The following LINGO2 variants were observed in gnomAD, a reference collection of about 807,000 sequenced individuals.
LINGO2 encodes leucine-rich repeat and immunoglobulin-like domain-containing nogo receptor-interacting protein 2.
A neutral mutation model predicts 30.6 loss-of-function variants in LINGO2; 14 were observed. The observed-to-expected ratio is 0.46, with a 90% CI of 0.30 to 0.72. LINGO2 has a LOEUF of 0.72. Among genes scored for constraint, LINGO2 ranks in the 30% least tolerant of loss-of-function variants. The pLI is 0.07. For synonymous variants in LINGO2, 317 were observed against 288.5 expected, an observed-to-expected ratio of 1.10 and a Z score of -1.00; for missense variants, 729 against 751.7, an observed-to-expected ratio of 0.97 and a Z score of 0.35.
the LINGO2 span, among the ~76,000 whole-genome samples, chr9:29,154,507 A>G: frequency 6.6e-6 from 1 of 151,878 alleles, no homozygotes; most frequent in South Asian, 2.1e-4. Context: ...AGGAATCTGT[A>G]AGAGCAACAG....
At chr9:28,414,357 A>C (rs1370191786) in intron 2 of LINGO2, among the ~76,000 whole-genome samples, 2 of 152,086 alleles carry the variant, frequency 1.3e-5, no homozygotes, top group African/African-American at 4.8e-5. Flanking sequence ...ATATATGTAA[A>C]TATATAAAAT....
At chr9:28,167,129 T>C (rs956385022) in intron 4 of LINGO2, among the ~76,000 whole-genome samples, 18 of 141,440 alleles carry the variant, frequency 1.3e-4, no homozygotes, top group African/African-American at 4.2e-4. Flanking sequence ...GAGCTTTTAC[T>C]TAATATAGCA....
chr9:28,878,116 G>T, the LINGO2 span, among the ~76,000 whole-genome samples: 1 of 151,906 alleles, frequency 6.6e-6, no homozygotes, highest in Admixed American at 6.6e-5. Flanking sequence ...AAAAATGAGA[G>T]AAGAATCAAA....
intron 4 of LINGO2, among the ~76,000 whole-genome samples, chr9:28,035,324 T>C (rs1823878264): frequency 1.3e-5 from 2 of 152,262 alleles, no homozygotes; most frequent in Admixed American, 6.5e-5. Flanking sequence ...GACATTACTT[T>C]GAATTCAGAA....
chr9:28,048,078 A>C (rs893030404), intron 4 of LINGO2, among the ~76,000 whole-genome samples: 1 of 150,940 alleles, frequency 6.6e-6, no homozygotes, highest in Non-Finnish European at 1.5e-5. Context: ...TACTGGCAGA[A>C]ACACAAAGCC....
At chr9:27,990,467 C>CCT (rs1554650643) in intron 5 of LINGO2, among the ~76,000 whole-genome samples, 1 of 111,502 alleles carries the variant, frequency 9.0e-6, no homozygotes, top group Non-Finnish European at 1.9e-5. Flanking sequence ...TCAATACCCC[C>CCT]CCCCCTTTTA....
chr9:28,068,955 G>A (rs190462196), intron 4 of LINGO2, among the ~76,000 whole-genome samples: 113 of 152,118 alleles, frequency 7.4e-4, no homozygotes, highest in African/African-American at 2.1e-3. Context: ...CTGCCCTTTC[G>A]GAGCTTATAT....
At chr9:28,268,357 T>C (rs1396478242) in intron 4 of LINGO2, among the ~76,000 whole-genome samples, 1 of 152,024 alleles carries the variant, frequency 6.6e-6, no homozygotes, top group African/African-American at 2.4e-5. Context: ...GAAAAGCTTA[T>C]AAGGCAGACA....
the LINGO2 span, chr9:27,939,242 C>T: frequency 6.6e-6 from 1 of 152,102 alleles, no homozygotes; most frequent in Non-Finnish European, 1.5e-5. Context: ...TATATTCAAC[C>T]ATTAGAACAA....
chr9:29,176,479 C>T, the LINGO2 span, among the ~76,000 whole-genome samples: 2 of 152,208 alleles, frequency 1.3e-5, no homozygotes, highest in African/African-American at 4.8e-5. Context: ...CATGCACACA[C>T]TCACAGTTGG....
At chr9:27,963,513 A>T (rs994272269) in intron 5 of LINGO2, among the ~76,000 whole-genome samples, 1 of 152,120 alleles carries the variant, frequency 6.6e-6, no homozygotes, top group African/African-American at 2.4e-5. Context: ...AGGAGGAAAC[A>T]GCTGCTTTGA....
intron 1 of LINGO2, among the ~76,000 whole-genome samples, chr9:28,564,690 G>A (rs1362778489): frequency 2.6e-5 from 4 of 151,980 alleles, no homozygotes; most frequent in African/African-American, 9.7e-5. Flanking sequence ...TCTTTTCTCT[G>A]TTTATAACAT....
At chr9:28,814,279 A>G in the LINGO2 span, among the ~76,000 whole-genome samples, 2 of 152,140 alleles carry the variant, frequency 1.3e-5, no homozygotes, top group Non-Finnish European at 2.9e-5. Flanking sequence ...TCTACTAAAA[A>G]TACAAAAATT....
chr9:28,171,930 G>A (rs7030408), intron 4 of LINGO2, among the ~76,000 whole-genome samples: 12,697 of 143,730 alleles, frequency 0.088, 627 homozygotes, highest in Admixed American at 0.12. Context: ...GCTGAGGCAG[G>A]AGAATGGCGT....
Position 28,538,108 on chromosome 9 carries a change from C to A in LINGO2, c.-364-62083G>T, listed in dbSNP as rs369720573. 3.9e-4 allele frequency among the ~76,000 whole-genome samples: 59 copies of A among 151,872 alleles called. 2 individuals carry two copies. The East Asian group carries it at 7.2e-3, about 18-fold the overall frequency. On this transcript the variant is annotated intron_variant, in intron 1 of 5. Coordinates refer to ENST00000379992, the Ensembl canonical transcript of LINGO2. ...TTGGGATTTTAATCAAGAGTGAGGG[C>A]AAAATAGATATTTTTGTCCAAGGCA...
chr9:28,832,923 A>G, the LINGO2 span, among the ~76,000 whole-genome samples: 2 of 152,254 alleles, frequency 1.3e-5, no homozygotes, highest in Non-Finnish European at 2.9e-5. Flanking sequence ...ATATATTTAC[A>G]GGGCTGTCTA....
chr9:28,363,442 A>G (rs991341838), intron 3 of LINGO2, among the ~76,000 whole-genome samples: 1 of 152,222 alleles, frequency 6.6e-6, no homozygotes, highest in African/African-American at 2.4e-5. Flanking sequence ...GAGCCAATCC[A>G]GGAAATATCT....
chr9:28,080,449 A>G (rs1410153124), intron 4 of LINGO2, among the ~76,000 whole-genome samples: 1 of 152,146 alleles, frequency 6.6e-6, no homozygotes, highest in Non-Finnish European at 1.5e-5. Context: ...TCTTTGGTTG[A>G]AATTCTCTGA....
At chr9:29,086,518 C>T in the LINGO2 span, among the ~76,000 whole-genome samples, 47 of 151,890 alleles carry the variant, frequency 3.1e-4, 1 homozygote. Flanking sequence ...CAATTCCACA[C>T]TTGATAATAT....
Sources: gnomAD v4.1 joint callset for allele counts (sites outside exome capture counted in the v4.1 genomes callset) on GRCh38, gnomAD v4.1.1 for gene constraint, MANE v1.5 for transcripts, NCBI Gene and HGNC (gene_info 2026-07-23, HGNC 2026-07-21) for gene names.